Variants in SH3GL2 observed in about 807,000 individuals in gnomAD.
The protein encoded by SH3GL2 is endophilin-A1.
In SH3GL2, 24 loss-of-function variants were observed where a neutral mutation model predicts 46.0. The observed-to-expected ratio is 0.52, with a 90% CI of 0.38 to 0.73. The LOEUF (loss-of-function observed/expected upper bound fraction) is 0.73. Ranked by LOEUF, SH3GL2 falls within the 30% of genes least tolerant of loss-of-function variation. The pLI, the probability that SH3GL2 is intolerant of heterozygous loss-of-function variation, is 0.00. For synonymous variants in SH3GL2, 196 were observed against 147.1 expected (o/e 1.33, Z -2.40); for missense variants, 413 against 424.2 (o/e 0.97, Z 0.23).
At chr9:17,745,831 C>T (rs1822666467) in intron 1 of SH3GL2, among the ~76,000 whole-genome samples, 1 of 152,116 alleles carries the variant, frequency 6.6e-6, no homozygotes, top group African/African-American at 2.4e-5. Context: ...AGACCCTCAA[C>T]CTAGCTGCTA....
chr9:17,669,316 G>T (rs1367910072), intron 1 of SH3GL2, among the ~76,000 whole-genome samples: 1 of 152,096 alleles, frequency 6.6e-6, no homozygotes, highest in Non-Finnish European at 1.5e-5. Context: ...TTACTTCGGT[G>T]CCATTCTGTC....
At chr9:17,693,055 A>C (rs1423659429) in intron 1 of SH3GL2, among the ~76,000 whole-genome samples, 2 of 152,146 alleles carry the variant, frequency 1.3e-5, no homozygotes, top group Admixed American at 1.3e-4. Context: ...TGAGATTTGG[A>C]TGGGGACACA....
chr9:17,787,644 A>G (rs1379809695), intron 5 of SH3GL2, 131 bp downstream of exon 5: 24 of 664,596 alleles, frequency 3.6e-5, no homozygotes. Context: ...TTACAAAACA[A>G]CCCAGTAAGA....
chr9:17,729,780 G>A (rs546706297), intron 1 of SH3GL2, among the ~76,000 whole-genome samples: 32 of 152,240 alleles, frequency 2.1e-4, no homozygotes, highest in African/African-American at 6.5e-4. Flanking sequence ...TAGATGTGTA[G>A]TGTTATTTCT....
intron 1 of SH3GL2, among the ~76,000 whole-genome samples, chr9:17,673,423 G>T (rs1013508691): frequency 6.6e-6 from 1 of 151,620 alleles, no homozygotes. Context: ...TGGGATTATA[G>T]GCATGAGCCA....
chr9:17,604,297 C>A (rs968064936), intron 1 of SH3GL2, among the ~76,000 whole-genome samples: 4 of 152,240 alleles, frequency 2.6e-5, no homozygotes, highest in Non-Finnish European at 5.9e-5. Context: ...CAAGTCCACA[C>A]AGACCGTTAA....
At chr9:17,772,876 G>T (rs969831846) in intron 3 of SH3GL2, among the ~76,000 whole-genome samples, 2 of 152,132 alleles carry the variant, frequency 1.3e-5, no homozygotes, top group African/African-American at 4.8e-5. Flanking sequence ...GGAATTGCTG[G>T]AACTTAAGGG....
At chr9:17,651,014 A>G (rs1346157731) in intron 1 of SH3GL2, among the ~76,000 whole-genome samples, 1 of 151,930 alleles carries the variant, frequency 6.6e-6, no homozygotes, top group South Asian at 2.1e-4. Flanking sequence ...GTGTGCACAC[A>G]TGTATGTGTG....
chr9:17,760,693 T>G (rs1364547520), intron 2 of SH3GL2, among the ~76,000 whole-genome samples: 3 of 152,154 alleles, frequency 2.0e-5, no homozygotes, highest in Non-Finnish European at 4.4e-5. Context: ...ATGCATTTAT[T>G]CTCATTAGTC....
chr9:17,678,056 C>T (rs1266349820), intron 1 of SH3GL2, among the ~76,000 whole-genome samples: 3 of 152,134 alleles, frequency 2.0e-5, no homozygotes, highest in African/African-American at 7.2e-5. Flanking sequence ...GGTTCCAAGT[C>T]TTTGCTATTG....
At chr9:17,630,944 T>G (rs1439538906) in intron 1 of SH3GL2, among the ~76,000 whole-genome samples, 1 of 151,898 alleles carries the variant, frequency 6.6e-6, no homozygotes, top group Non-Finnish European at 1.5e-5. Context: ...CCTTTAACTG[T>G]TTAGGAATGT....
At chr9:17,653,545 C>G (rs574182786) in intron 1 of SH3GL2, among the ~76,000 whole-genome samples, 37 of 152,156 alleles carry the variant, frequency 2.4e-4, no homozygotes, top group Non-Finnish European at 4.7e-4. Flanking sequence ...ATAATTTTCT[C>G]TGGACTCATC....
In SH3GL2 at chr9:17,644,263, T is replaced by G. The variant is rs1819753478; in HGVS notation, c.45+64976T>G. Among the ~76,000 whole-genome samples the G allele has an allele frequency of 2.6e-5, 4 of 152,302 alleles. No individual in the cohort carries two copies. The South Asian group carries it at 8.3e-4, about 32-fold the overall frequency. ...TAGTCTGGCTAGCCATCTATCTAGT[T>G]TGTCAACTCTTTCAGAAAAACAGCT... On this transcript the variant is annotated intron_variant, in intron 1 of 8. Transcript: ENST00000380607.
At chr9:17,684,028 C>G (rs1042401620) in intron 1 of SH3GL2, among the ~76,000 whole-genome samples, 25 of 152,038 alleles carry the variant, frequency 1.6e-4, no homozygotes, top group African/African-American at 5.8e-4. Context: ...AGATGGCTGG[C>G]TTTTAACCAA....
chr9:17,685,347 G>A (rs550135773), intron 1 of SH3GL2, among the ~76,000 whole-genome samples: 19 of 152,082 alleles, frequency 1.2e-4, no homozygotes, highest in South Asian at 6.2e-4. Context: ...GAGGACTTTC[G>A]GTTGATTGGA....
chr9:17,703,672 T>G (rs1563819548), intron 1 of SH3GL2, among the ~76,000 whole-genome samples: 1 of 151,992 alleles, frequency 6.6e-6, no homozygotes, highest in South Asian at 2.1e-4. Flanking sequence ...TATATGTGAT[T>G]CGTCACATAC....
At chr9:17,603,389 A>G (rs1342598120) in intron 1 of SH3GL2, among the ~76,000 whole-genome samples, 3 of 152,188 alleles carry the variant, frequency 2.0e-5, no homozygotes, top group Admixed American at 2.0e-4. Context: ...CAGAAATAAA[A>G]AGCCAAAGAC....
chr9:17,714,898 T>C lies in SH3GL2; in HGVS notation c.46-32168T>C, dbSNP rs73424663. 8.9e-3 allele frequency among the ~76,000 whole-genome samples: 1,355 copies of C among 151,948 alleles called. 17 individuals carry two copies. The highest frequency in any genetic ancestry group is 0.031 in the African/African-American group (1,306 of 41,544). On this transcript the variant is annotated intron_variant, in intron 1 of 8. Coordinates refer to ENST00000380607, the MANE Select transcript of SH3GL2 (RefSeq NM_003026.5). ...CTTGAAGGACTTTCTTTAATATTTCTTTCTCAGTGGTTGTTGAGTGATGAA... is the reference window on the plus strand; with the variant it reads ...CTTGAAGGACTTTCTTTAATATTTCCTTCTCAGTGGTTGTTGAGTGATGAA...
At chr9:17,601,064 C>A (rs1390450876) in intron 1 of SH3GL2, among the ~76,000 whole-genome samples, 1 of 152,084 alleles carries the variant, frequency 6.6e-6, no homozygotes, top group Non-Finnish European at 1.5e-5. Flanking sequence ...TGTGTATGTG[C>A]ACTACCAAGC....
Sources: allele counts gnomAD v4.1 joint callset (sites outside exome capture counted in the v4.1 genomes callset), GRCh38; gene constraint gnomAD v4.1.1; transcripts MANE v1.5; gene names NCBI Gene and HGNC (gene_info 2026-07-23, HGNC 2026-07-21).